Variants in UNC13B observed in about 807,000 individuals in gnomAD.
UNC13B encodes protein unc-13 homolog B.
In UNC13B, 144 loss-of-function variants were observed where a neutral mutation model predicts 211.0. That is an observed-to-expected ratio of 0.68 (90% CI 0.60 to 0.78). The LOEUF is 0.78. UNC13B is among the 30% of genes least tolerant of loss of function. The pLI, the probability that UNC13B is intolerant of heterozygous loss-of-function variation, is 0.00. For synonymous variants in UNC13B, 709 were observed against 725.8 expected, an observed-to-expected ratio of 0.98 and a Z score of 0.37; for missense variants, 1,777 against 2,002.0, an observed-to-expected ratio of 0.89 and a Z score of 2.14.
chr9:35,392,616 G>A (rs551798836), intron 26 of UNC13B, among the ~76,000 whole-genome samples: 21 of 147,308 alleles, frequency 1.4e-4, no homozygotes, highest in African/African-American at 5.0e-4. Context: ...CACAGGAAGG[G>A]GAACATCACA....
intron 1 of UNC13B, among the ~76,000 whole-genome samples, chr9:35,217,741 A>G (rs890914122): frequency 6.6e-6 from 1 of 152,132 alleles, no homozygotes; most frequent in African/African-American, 2.4e-5. Context: ...ATTCTATGCA[A>G]TAAGATCAGA....
At chr9:35,388,839 T>C (rs1222591213) in intron 24 of UNC13B, among the ~76,000 whole-genome samples, 1 of 152,218 alleles carries the variant, frequency 6.6e-6, no homozygotes, top group Non-Finnish European at 1.5e-5. Context: ...GAGATTTTCT[T>C]TGTAGAAAGA....
Position 35,295,757 on chromosome 9 carries a change from C to T in UNC13B, c.588C>T (p.Ser196=). ...DRDSDYRSET[S]NSFPPPYHTA... ...ATAGTGACTATCGCAGTGAGACCAG[C>T]AACAGCTTCCCACCTCCTTACCATA... The change falls in exon 8 of 40, where the codon AGC becomes AGT. Residue 196 remains serine, a synonymous_variant. Transcript: ENST00000635942. 6.2e-7 allele frequency: 1 copy of T among 1,614,122 alleles called. No individual in the cohort carries two copies. The highest frequency in any genetic ancestry group is 8.5e-7 in the Non-Finnish European group (1 of 1,180,016).
At chr9:35,282,517 T>TG (rs1209193804) in intron 7 of UNC13B, among the ~76,000 whole-genome samples, 1 of 152,136 alleles carries the variant, frequency 6.6e-6, no homozygotes, top group African/African-American at 2.4e-5. Context: ...CTGCAACCTC[T>TG]GCCTCCTGGG....
Position 35,386,309 on chromosome 9 carries a change from T to A in UNC13B, c.11094+16T>A. 1.2e-6 allele frequency: 2 copies of A among 1,613,824 alleles called. No homozygotes were observed. The highest frequency in any genetic ancestry group is 1.7e-6 in the Non-Finnish European group (2 of 1,179,890). On this transcript the variant is annotated intron_variant, in intron 24 of 39. Coordinates refer to ENST00000635942, the MANE Select transcript of UNC13B (RefSeq NM_001371189.2). ...GTACCAGCTGGTAAGAGGTTCAGGA[T>A]CAGGTGGGGCCAGCTGTCAGTGGCT... is the stretch of plus-strand genomic sequence containing the variant.
chr9:35,353,400 G>A (rs887736153), intron 11 of UNC13B: 2 of 1,232,170 alleles, frequency 1.6e-6, no homozygotes, highest in East Asian at 6.3e-5. Flanking sequence ...TCAGAGAACA[G>A]TGATCGACTT....
chr9:35,321,897 G>A (rs1407486311), intron 11 of UNC13B, among the ~76,000 whole-genome samples: 1 of 152,120 alleles, frequency 6.6e-6, no homozygotes, highest in African/African-American at 2.4e-5. Context: ...TGAGTGTGCT[G>A]TACCAACATT....
chr9:35,200,602 G>A (rs1329691862), intron 1 of UNC13B, among the ~76,000 whole-genome samples: 2 of 152,230 alleles, frequency 1.3e-5, no homozygotes, highest in African/African-American at 2.4e-5. Flanking sequence ...AAGCAATTGT[G>A]AATGGGAGTT....
At chr9:35,211,898 C>G (rs1325881850) in intron 1 of UNC13B, among the ~76,000 whole-genome samples, 2 of 152,110 alleles carry the variant, frequency 1.3e-5, no homozygotes, top group Non-Finnish European at 1.5e-5. Context: ...GAGGTTGAGG[C>G]TGCACTATGT....
At chr9:35,251,149 A>G (rs1048449172) in intron 6 of UNC13B, among the ~76,000 whole-genome samples, 1 of 151,922 alleles carries the variant, frequency 6.6e-6, no homozygotes, top group Admixed American at 6.6e-5. Flanking sequence ...ATCTTTTAGT[A>G]GAGACAGGGT....
intron 20 of UNC13B, 23 bp downstream of exon 20, chr9:35,381,742 G>A: frequency 6.2e-7 from 1 of 1,608,930 alleles, no homozygotes; most frequent in South Asian, 1.1e-5. Context: ...TGCGGCACCG[G>A]GAAGTGGCTA....
Position 35,307,753 on chromosome 9 carries a change from TG to T in UNC13B, c.8352del (p.Lys2785AsnfsTer3). 1 of 399,072 alleles carries T rather than the reference TG, an allele frequency of 2.5e-6. No individual in the cohort carries two copies. Among genetic ancestry groups the T allele is most frequent in the Non-Finnish European group, 4.4e-6 (1 of 226,092 alleles). 24.7% of individuals were successfully genotyped at this position (399,072 alleles called of 1,614,324 possible). A position where few individuals can be genotyped will look rare whatever the true frequency, so the allele number is the denominator to read the frequency against. ...LRLPSSATNH[G>X]KPLSSFFSSP... ...GTTTGCCATCCTCTGCTACTAACCA[TG>T]GGAAACCACTGAGCTCTTTCTTTTC... On this transcript the variant is annotated frameshift_variant, in exon 9 of 40. Coordinates refer to ENST00000635942, the MANE Select transcript of UNC13B (RefSeq NM_001371189.2). LOFTEE classifies it high-confidence loss of function.
intron 1 of UNC13B, among the ~76,000 whole-genome samples, chr9:35,169,835 A>G (rs965604556): frequency 8.5e-5 from 13 of 152,210 alleles, no homozygotes; most frequent in African/African-American, 3.1e-4. Context: ...TTAGGCCAAT[A>G]AGCTTAATTT....
Position 35,398,900 on chromosome 9 carries a change from T to TG in UNC13B, c.11941dup (p.Glu3981GlyfsTer33), listed in dbSNP as rs1564198917. 1.1e-5 allele frequency: 17 copies of TG among 1,614,006 alleles called. No individual in the cohort carries two copies. Among genetic ancestry groups the TG allele is most frequent in the Non-Finnish European group, 1.4e-5 (17 of 1,179,950 alleles). ...TGTGTAGTTTCCAGGTACGGATTGA[T>TG]GAGTGTGTTCGACAAATGGCCGACA... On this transcript the variant is annotated frameshift_variant, in exon 33 of 40. Transcript: ENST00000635942. LOFTEE classifies it high-confidence loss of function.
chr9:35,302,802 A>C lies in UNC13B; in HGVS notation c.3398A>C (p.Glu1133Ala), dbSNP rs924991040. 9.8e-5 allele frequency: 39 copies of C among 398,556 alleles called. No individual in the cohort carries two copies. In the Admixed American group the frequency reaches 1.6e-3, roughly 17 times the overall value. The allele number at this position is 398,556 out of a possible 1,614,324, so 24.7% of individuals were successfully genotyped here. A position where few individuals can be genotyped will look rare whatever the true frequency, so the allele number is the denominator to read the frequency against. The change falls in exon 9 of 40, where the codon GAG becomes GCG. Residue 1133 changes from glutamate to alanine, a missense_variant. Transcript: ENST00000635942. ...STLVNEINED[E>A]VIDKTSKKNT... ...TTGGTTAATGAAATTAATGAAGATG[A>C]GGTTATAGATAAGACTTCCAAGAAA...
intron 1 of UNC13B, among the ~76,000 whole-genome samples, chr9:35,176,319 G>A (rs965071345): frequency 1.3e-5 from 2 of 151,948 alleles, no homozygotes; most frequent in East Asian, 1.9e-4. Context: ...AGGCTGAGGC[G>A]GGTAGATCAC....
chr9:35,246,452 T>C (rs1419385786), intron 6 of UNC13B, among the ~76,000 whole-genome samples: 1 of 152,194 alleles, frequency 6.6e-6, no homozygotes, highest in Non-Finnish European at 1.5e-5. Flanking sequence ...TGGTATCGCC[T>C]AGGTTTTCTT....
intron 15 of UNC13B, among the ~76,000 whole-genome samples, chr9:35,377,200 G>A (rs1834477387): frequency 6.6e-6 from 1 of 152,240 alleles, no homozygotes; most frequent in Non-Finnish European, 1.5e-5. Flanking sequence ...GGCTAGGTTA[G>A]ACGTGAAGAG....
intron 21 of UNC13B, 100 bp downstream of exon 21, chr9:35,382,607 G>C (rs1429118011): frequency 1.4e-6 from 2 of 1,422,006 alleles, no homozygotes; most frequent in African/African-American, 2.9e-5. Flanking sequence ...CTGTTGCCCA[G>C]GCTGGAGTAC....
Sources: gnomAD v4.1 joint callset for allele counts (sites outside exome capture counted in the v4.1 genomes callset) on GRCh38, gnomAD v4.1.1 for gene constraint, MANE v1.5 for transcripts, NCBI Gene and HGNC (gene_info 2026-07-23, HGNC 2026-07-21) for gene names.